The following SCO1 variants were observed in gnomAD, a reference collection of about 807,000 sequenced individuals.
SCO1 encodes synthesis of cytochrome C oxidase 1, also known as cytochrome c oxidase assembly factor SCO1.
A neutral mutation model predicts 34.0 loss-of-function variants in SCO1; 23 were observed. The ratio of observed to expected loss-of-function variants is 0.68; its 90% CI spans 0.49 to 0.96. The LOEUF is 0.96. SCO1 is among the 40% of genes least tolerant of loss of function. The probability of loss-of-function intolerance (pLI) is 0.00; values close to 1 mark genes in which losing one functional copy is unlikely to be tolerated. For synonymous variants in SCO1, 161 were observed against 145.5 expected, an observed-to-expected ratio of 1.11 and a Z score of -0.77; for missense variants, 404 against 381.6, an observed-to-expected ratio of 1.06 and a Z score of -0.49.
intron 4 of SCO1, among the ~76,000 whole-genome samples, chr17:10,691,417 G>A (rs1254179804): frequency 6.6e-6 from 1 of 152,144 alleles, no homozygotes; most frequent in Non-Finnish European, 1.5e-5. Flanking sequence ...TGCCCGGCCT[G>A]TTACAGTAAA....
rs115155773 is a variant in SCO1, at chr17:10,681,436, C to A, written c.772-183G>T. The stretch of plus-strand genomic sequence containing the variant: ...ATTCCTAACAAAAATTGTCTAAAAT[C>A]TTTTGTGTCCTAAACATCTGCACTG... On this transcript the variant is annotated intron_variant, in intron 5 of 5. Transcript: ENST00000255390. Among the ~76,000 whole-genome samples, 179 of 152,290 alleles carry A rather than the reference C, an allele frequency of 1.2e-3. 1 individual carries two copies. Among genetic ancestry groups the A allele is most frequent in the African/African-American group, 3.8e-3 (159 of 41,574 alleles).
Position 10,692,883 on chromosome 17 carries a change from TC to T in SCO1, c.442del (p.Glu148SerfsTer14), listed in dbSNP as rs2074698384. On this transcript the variant is annotated frameshift_variant, in exon 3 of 6. Transcript: ENST00000255390. LOFTEE classifies it high-confidence loss of function. ...CAAGTAGTCCTTGTCAGTTTTACGC[TC>T]CCCAGTATGAGTTGTGAGGGAAAAC... Reference protein sequence around the residue: ...GPFSLTTHTGERKTDKDYLGQ... With the variant: ...GPFSLTTHTGXRKTDKDYLGQ... 1 of 1,614,088 alleles carries T rather than the reference TC, an allele frequency of 6.2e-7. No individual in the cohort carries two copies. Among genetic ancestry groups the T allele is most frequent in the Non-Finnish European group, 8.5e-7 (1 of 1,180,012 alleles).
At chr17:10,695,643 G>A in intron 2 of SCO1, 98 bp downstream of exon 2, 1 of 884,150 alleles carries the variant, frequency 1.1e-6, no homozygotes, top group Non-Finnish European at 1.8e-6. Context: ...TAAATCTAAA[G>A]TTGTTTCAAA....
intron 5 of SCO1, 23 bp downstream of exon 5, chr17:10,686,702 GGT>G: frequency 7.1e-7 from 1 of 1,415,450 alleles, no homozygotes; most frequent in Admixed American, 1.7e-5. Context: ...CTGGTCCATG[GGT>G]TAAAACTGGA....
intron 3 of SCO1, 140 bp downstream of exon 3, chr17:10,692,624 A>G: frequency 1.4e-6 from 1 of 735,908 alleles, no homozygotes; most frequent in Non-Finnish European, 2.3e-6. Flanking sequence ...TCAAAGCAAC[A>G]AACAAGCCAA....
chr17:10,692,719 A>G (rs1191168338), intron 3 of SCO1, 45 bp downstream of exon 3: 1 of 1,513,474 alleles, frequency 6.6e-7, no homozygotes, highest in Non-Finnish European at 9.2e-7. Context: ...ACCTGGTAAC[A>G]TGAAGTAAAC....
At chr17:10,685,449 G>A (rs2074650053) in intron 5 of SCO1, among the ~76,000 whole-genome samples, 1 of 152,210 alleles carries the variant, frequency 6.6e-6, no homozygotes, top group Non-Finnish European at 1.5e-5. Flanking sequence ...GTGCTTCACT[G>A]TGAAACCACT....
In SCO1 at chr17:10,681,270, G is replaced by A; in HGVS notation, c.772-17C>T. 1 of 1,613,442 alleles carries A rather than the reference G, an allele frequency of 6.2e-7. No individual in the cohort carries two copies. Among genetic ancestry groups the A allele is most frequent in the Non-Finnish European group, 8.5e-7 (1 of 1,179,712 alleles). On this transcript the variant is annotated splice_polypyrimidine_tract_variant and intron_variant, in intron 5 of 5. Coordinates refer to ENST00000255390, the MANE Select transcript of SCO1 (RefSeq NM_004589.4). Reference sequence around the variant, plus strand: ...GTGATCCACCTGCAGAGAAAAGGGGGGAGAGTGTGACAAAGATTACCAAAA... The same window carrying A: ...GTGATCCACCTGCAGAGAAAAGGGGAGAGAGTGTGACAAAGATTACCAAAA...
chr17:10,685,149 G>A (rs987951496), intron 5 of SCO1, among the ~76,000 whole-genome samples: 2 of 152,194 alleles, frequency 1.3e-5, no homozygotes, highest in East Asian at 3.8e-4. Context: ...AAGCACTGCA[G>A]TGAGACATCC....
intron 2 of SCO1, among the ~76,000 whole-genome samples, chr17:10,693,589 C>T (rs2074703712): frequency 6.6e-6 from 1 of 152,062 alleles, no homozygotes; most frequent in Non-Finnish European, 1.5e-5. Context: ...ATTTTCTCAC[C>T]ATGTCCACTG....
In SCO1 at chr17:10,695,759, T is replaced by C. The variant is rs1158150053; in HGVS notation, c.346A>G (p.Lys116Glu). The change falls in exon 2 of 6, where the codon AAG (lysine) becomes GAG (glutamate). Residue 116 changes from lysine (K) to glutamate (E), a missense_variant. Physicochemically the swap from Lys to Glu is moderately conservative, Grantham distance 56. Coordinates refer to ENST00000255390, the MANE Select transcript of SCO1 (RefSeq NM_004589.4). ...GALLAGMKHV[K>E]KEKAEKLEKE... ...TACTTACTCTCTGCCTTTTCTTTCT[T>C]GACGTGCTTCATTCCAGCCAGTAAA... 6 of 1,612,812 alleles carry C rather than the reference T, an allele frequency of 3.7e-6. 1 individual carries two copies. The Admixed American group carries it at 5.0e-5, about 13-fold the overall frequency.
rs2151454228 is a variant in SCO1, at chr17:10,686,757, A to G, written c.741T>C (p.Pro247=). ...VARAYRVYYS[P]GPKDEDEDYI... is the part of the protein sequence containing the mutation. Reference sequence around the variant, plus strand: ...AGTCTTCATCTTCGTCCTTGGGGCCAGGGCTGTAATACACTCTGTATGCTC... The same window carrying G: ...AGTCTTCATCTTCGTCCTTGGGGCCGGGGCTGTAATACACTCTGTATGCTC... The change falls in exon 5 of 6, where the codon CCT becomes CCC. Residue 247 remains proline, a synonymous_variant. Coordinates refer to ENST00000255390, the MANE Select transcript of SCO1 (RefSeq NM_004589.4). The G allele has an allele frequency of 6.2e-7, 1 of 1,613,386 alleles. No individual in the cohort carries two copies. The highest frequency in any genetic ancestry group is 8.5e-7 in the Non-Finnish European group (1 of 1,179,318).
rs761204677 is a variant in SCO1, at chr17:10,681,019, T to C, written c.*100A>G. On this transcript the variant is annotated 3_prime_UTR_variant, in exon 6 of 6. Transcript: ENST00000255390. ...TTCTCATGGTATGAAGGCCATTCTG[T>C]AGAGTGCACGTATATATGTTTATAT... The C allele has an allele frequency of 2.2e-6, 3 of 1,381,994 alleles. No individual in the cohort carries two copies. Among genetic ancestry groups the C allele is most frequent in the African/African-American group, 1.4e-5 (1 of 70,246 alleles). 85.6% of individuals were successfully genotyped at this position (1,381,994 alleles called of 1,614,324 possible).
At position 10,690,987 on chromosome 17, in the gene SCO1, G is replaced by A. The variant is rs78142591; in HGVS notation, c.655+885C>T. 7.7e-3 allele frequency among the ~76,000 whole-genome samples: 1,180 copies of A among 152,264 alleles called. 18 individuals carry two copies. Among genetic ancestry groups the A allele is most frequent in the African/African-American group, 0.027 (1,132 of 41,530 alleles). ...TTCATACGTGGAAACTAAAAAAGTT[G>A]ATCTCACAGAAGTAGAGAGAAGAAT... On this transcript the variant is annotated intron_variant, in intron 4 of 5. Coordinates refer to ENST00000255390, the MANE Select transcript of SCO1 (RefSeq NM_004589.4).
chr17:10,696,479 A>C lies in SCO1; in HGVS notation c.274-648T>G, dbSNP rs114363756. ...ACCAAAATCCAAAAACACACACACA[A>C]AAAACAATTATCTGCTTATGCTGAT... is the stretch of plus-strand genomic sequence containing the variant. On this transcript the variant is annotated intron_variant, in intron 1 of 5. Coordinates refer to ENST00000255390, the MANE Select transcript of SCO1 (RefSeq NM_004589.4). 4.1e-3 allele frequency among the ~76,000 whole-genome samples: 624 copies of C among 152,278 alleles called. 2 individuals are homozygous for C. The highest frequency in any genetic ancestry group is 0.014 in the African/African-American group (572 of 41,568).
intron 2 of SCO1, among the ~76,000 whole-genome samples, chr17:10,693,471 GAA>G (rs1200047421): frequency 3.9e-5 from 6 of 152,356 alleles, no homozygotes; most frequent in African/African-American, 1.4e-4. Flanking sequence ...ACTATGGAGA[GAA>G]AGAGAGCTAG....
At chr17:10,684,189 T>C (rs7224480) in intron 5 of SCO1, among the ~76,000 whole-genome samples, 492 of 152,342 alleles carry the variant, frequency 3.2e-3, no homozygotes, top group African/African-American at 0.011. Context: ...TCCATAAGAC[T>C]TACATATTTT....
rs2074558776 is a variant in SCO1, at chr17:10,673,253, T to A, written c.*7866A>T. ...TCTTGATCTCGTGATCTGCCTTTTC[T>A]TTATCTTGTCTGGTTATGTGCATCC... is the stretch of plus-strand genomic sequence containing the variant. On this transcript the variant is annotated 3_prime_UTR_variant, in exon 6 of 6. Transcript: ENST00000255390. The A allele has an allele frequency of 2.0e-5, 3 of 152,206 alleles. No individual in the cohort carries two copies. Among genetic ancestry groups the A allele is most frequent in the Admixed American group, 6.5e-5 (1 of 15,272 alleles). The allele number at this position is 152,206 out of a possible 1,614,324, so 9.4% of individuals were successfully genotyped here.
At chr17:10,686,887 A>G (rs773555611) in intron 4 of SCO1, 45 bp from the exon 5 acceptor site, 5 of 1,265,626 alleles carry the variant, frequency 4.0e-6, no homozygotes, top group Non-Finnish European at 4.6e-6. Context: ...GAAGCCAGTA[A>G]AACAACCATC....
Sources: allele counts gnomAD v4.1 joint callset (sites outside exome capture counted in the v4.1 genomes callset), GRCh38; gene constraint gnomAD v4.1.1; transcripts MANE v1.5; gene names NCBI Gene and HGNC (gene_info 2026-07-23, HGNC 2026-07-21).